The following PHYKPL variants were observed in gnomAD, a reference collection of about 807,000 sequenced individuals.
PHYKPL encodes 5-phosphohydroxy-L-lysine phospho-lyase, also known as 5-phosphonooxy-L-lysine phospho-lyase.
A neutral mutation model predicts 51.3 loss-of-function variants in PHYKPL; 42 were observed. The observed-to-expected ratio is 0.82, with a 90% CI of 0.64 to 1.06. PHYKPL has a LOEUF of 1.06. Among genes scored for constraint, PHYKPL ranks in the 50% least tolerant of loss-of-function variants. The pLI is 0.00. For synonymous variants in PHYKPL, 264 were observed against 236.0 expected (o/e 1.12, Z -1.09); for missense variants, 655 against 586.6 (o/e 1.12, Z -1.20).
intron 12 of PHYKPL, chr5:178,210,834 C>T (rs781607455): frequency 2.7e-5 from 16 of 586,018 alleles, no homozygotes; most frequent in East Asian, 5.8e-5. Flanking sequence ...GAGGCCATAG[C>T]GCCATCATGG....
intron 1 of PHYKPL, 124 bp downstream of exon 1, chr5:178,232,368 G>A (rs910233097): frequency 3.1e-6 from 4 of 1,300,132 alleles, no homozygotes; most frequent in Admixed American, 4.2e-5. Context: ...GCGGCCGGAC[G>A]GGATGGGTAG....
intron 8 of PHYKPL, among the ~76,000 whole-genome samples, chr5:178,220,721 C>A (rs200557148): frequency 0.1 from 4,674 of 46,378 alleles, 264 homozygotes; most frequent in African/African-American, 0.32. Flanking sequence ...TTCATAATTG[C>A]AAAAAAAAAA....
chr5:178,232,457 CCGCGCCCCCCGCCG>C (rs1392520782), intron 1 of PHYKPL, 21 bp downstream of exon 1: 22 of 1,375,636 alleles, frequency 1.6e-5, no homozygotes, highest in Non-Finnish European at 2.0e-5. Flanking sequence ...CCGCGCAGCC[CCGCGCCCCCCGCCG>C]CCCGCCCCCC....
chr5:178,210,191 C>A (rs867544214), intron 12 of PHYKPL: 2 of 1,612,874 alleles, frequency 1.2e-6, no homozygotes, highest in African/African-American at 2.7e-5. Flanking sequence ...CTACGGCTAC[C>A]AGCAGGGCTA....
chr5:178,210,654 C>T (rs754554188), intron 12 of PHYKPL: 2 of 1,558,390 alleles, frequency 1.3e-6, no homozygotes, highest in East Asian at 2.2e-5. Flanking sequence ...ACTGATCGCA[C>T]ACATGCTTTG....
Position 178,215,290 on chromosome 5 carries a change from G to C in PHYKPL, c.1068C>G (p.Ile356Met). The C allele has an allele frequency of 6.2e-7, 1 of 1,614,064 alleles. No individual in the cohort carries two copies. Among genetic ancestry groups the C allele is most frequent in the Non-Finnish European group, 8.5e-7 (1 of 1,179,976 alleles). ...LLGQQKIKHP[I>M]VGDVRGVGLF... ...CAGAGCCTCACCTGACATCCCCGAC[G>C]ATGGGATGTTTGATTTTTTGCTGCC... The change falls in exon 9 of 13, where the codon ATC becomes ATG. Residue 356 changes from isoleucine to methionine, a missense_variant. By Grantham distance (10) the Ile-to-Met change is conservative (BLOSUM62 1). Transcript: ENST00000308158.
chr5:178,220,378 C>T (rs955351269), intron 8 of PHYKPL, among the ~76,000 whole-genome samples: 4 of 151,816 alleles, frequency 2.6e-5, no homozygotes, highest in African/African-American at 9.7e-5. Context: ...GCCTGTAATC[C>T]CAGCTACTGG....
rs1763739441 is a variant in PHYKPL, at chr5:178,232,498, A to T, written c.53T>A (p.Leu18His). Reference sequence around the variant, plus strand: ...CCGCCCCCCGCCCGGGTACCTGATGAGCCGTTGCCTCAGGGCCAGCGTGTC... The same window carrying T: ...CCGCCCCCCGCCCGGGTACCTGATGTGCCGTTGCCTCAGGGCCAGCGTGTC... Reference protein sequence around the residue: ...KADTLALRQRLISSSCRLFFP... With the variant: ...KADTLALRQRHISSSCRLFFP... The change falls in exon 1 of 13, where the codon CTC becomes CAC. Residue 18 changes from leucine to histidine, a missense_variant. Transcript: ENST00000308158. The T allele has an allele frequency of 8.5e-7, 1 of 1,176,118 alleles. No homozygotes were observed. The highest frequency in any genetic ancestry group is 1.1e-6 in the Non-Finnish European group (1 of 947,254). 72.9% of individuals were successfully genotyped at this position (1,176,118 alleles called of 1,614,324 possible). A position where few individuals can be genotyped will look rare whatever the true frequency, so the allele number is the denominator to read the frequency against.
At chr5:178,223,590 C>T (rs1032358424) in intron 6 of PHYKPL, 23 of 415,126 alleles carry the variant, frequency 5.5e-5, no homozygotes, top group South Asian at 2.9e-4. Context: ...GAGCAATCTC[C>T]TTTTTTAGGT....
intron 8 of PHYKPL, chr5:178,217,023 C>G (rs1447940298): frequency 6.6e-6 from 1 of 152,082 alleles, no homozygotes; most frequent in East Asian, 1.9e-4. Context: ...TGTATCCAAA[C>G]AAGCAAACAG....
chr5:178,223,821 G>A (rs762224433), intron 6 of PHYKPL: 12 of 247,008 alleles, frequency 4.9e-5, no homozygotes, highest in Non-Finnish European at 9.7e-5. Context: ...CTATGTCTGC[G>A]CCTCCACTCC....
At chr5:178,222,265 G>GC (rs1761313925) in intron 8 of PHYKPL, 90 bp downstream of exon 8, 2 of 1,166,044 alleles carry the variant, frequency 1.7e-6, no homozygotes, top group Admixed American at 4.6e-5. Flanking sequence ...CACAGTGCTA[G>GC]CCCTGTAGCC....
chr5:178,222,320 C>T, intron 8 of PHYKPL, 35 bp downstream of exon 8: 1 of 1,573,366 alleles, frequency 6.4e-7, no homozygotes, highest in Non-Finnish European at 8.7e-7. Flanking sequence ...CTATCAGAAC[C>T]CATGTTGCTC....
chr5:178,211,938 G>T lies in PHYKPL; in HGVS notation c.1336C>A (p.Leu446Met). 1.2e-6 allele frequency: 2 copies of T among 1,614,214 alleles called. No homozygotes were observed. The highest frequency in any genetic ancestry group is 1.7e-6 in the Non-Finnish European group (2 of 1,180,032). The part of the protein sequence containing the change: ...MEEKVRSCET[L>M]RLQP ...GGGCTGGCTTAGGGCTGGAGCCTCA[G>T]CGTTTCACAACTTCTCACCTTCTCT... is the stretch of plus-strand genomic sequence containing the variant. The change falls in exon 12 of 13, where the codon CTG becomes ATG. Residue 446 changes from leucine (L) to methionine (M), a missense_variant. Leu to Met is a conservative substitution (Grantham distance 15). Coordinates refer to ENST00000308158, the MANE Select transcript of PHYKPL (RefSeq NM_153373.4).
rs149960850 is a variant in PHYKPL at position 178,213,100 on chromosome 5, C to T, written c.1176G>A (p.Leu392=). 525 of 1,613,902 alleles carry T rather than the reference C, an allele frequency of 3.3e-4. 1 individual carries two copies. Among genetic ancestry groups the T allele is most frequent in the Non-Finnish European group, 4.2e-4 (496 of 1,179,930 alleles). ...TEEAAYLVSR[L]KENYVLLSTD... The stretch of plus-strand genomic sequence containing the variant: ...TGCTCAGCAAAACGTAGTTCTCCTT[C>T]AGCCTGTGAGGACAGGACACCCCTT... Residue 392 remains leucine, a synonymous_variant, in exon 11 of 13, where the codon CTG becomes CTA. Transcript: ENST00000308158.
chr5:178,223,209 T>C (rs3749812), intron 6 of PHYKPL: 44,641 of 442,146 alleles, frequency 0.1, 3,000 homozygotes, highest in African/African-American at 0.22. Flanking sequence ...TCCTTCCCTG[T>C]CCCCCATTTT....
intron 12 of PHYKPL, chr5:178,211,404 C>T (rs1758362597): frequency 6.3e-6 from 1 of 157,658 alleles, no homozygotes; most frequent in Non-Finnish European, 1.4e-5. Context: ...GCTTACATCC[C>T]CAGCAGGCAT....
chr5:178,225,099 G>C, intron 4 of PHYKPL: 1 of 579,296 alleles, frequency 1.7e-6, no homozygotes, highest in South Asian at 2.2e-5. Flanking sequence ...GTTTGAACAT[G>C]TACAATGTTG....
intron 12 of PHYKPL, chr5:178,210,280 GGA>G: frequency 6.2e-7 from 1 of 1,614,130 alleles, no homozygotes. Context: ...ACAGTAAGTA[GGA>G]GAGAGGGAGG....
Sources: allele counts gnomAD v4.1 joint callset (sites outside exome capture counted in the v4.1 genomes callset), GRCh38; gene constraint gnomAD v4.1.1; transcripts MANE v1.5; gene names NCBI Gene and HGNC (gene_info 2026-07-23, HGNC 2026-07-21).